ANKS1B: variants seen among roughly 807,000 people sequenced by gnomAD.
ANKS1B encodes the protein ankyrin repeat and sterile alpha motif domain containing 1B, also known as ankyrin repeat and sterile alpha motif domain-containing protein 1B.
A neutral mutation model predicts 148.3 loss-of-function variants in ANKS1B; 36 were observed. The ratio of observed to expected loss-of-function variants is 0.24; its 90% CI spans 0.19 to 0.32. The LOEUF is 0.32. Ranked by LOEUF, ANKS1B falls within the 10% of genes least tolerant of loss-of-function variation. The pLI, the probability that ANKS1B is intolerant of heterozygous loss-of-function variation, is 1.00. For synonymous variants in ANKS1B, 542 were observed against 560.8 expected, an observed-to-expected ratio of 0.97 and a Z score of 0.47; for missense variants, 1,157 against 1,542.6, an observed-to-expected ratio of 0.75 and a Z score of 4.19.
At chr12:99,184,010 A>G (rs912010310) in intron 14 of ANKS1B, among the ~76,000 whole-genome samples, 9 of 152,226 alleles carry the variant, frequency 5.9e-5, no homozygotes, top group Non-Finnish European at 1.2e-4. Flanking sequence ...CAAATATAAA[A>G]AAGACATAGT....
At chr12:99,034,646 T>C (rs531812285) in intron 17 of ANKS1B, among the ~76,000 whole-genome samples, 12 of 152,178 alleles carry the variant, frequency 7.9e-5, no homozygotes, top group Non-Finnish European at 1.6e-4. Context: ...CATGGAGTCT[T>C]ATACATGTGA....
intron 2 of ANKS1B, among the ~76,000 whole-genome samples, chr12:99,825,028 A>G (rs1364319391): frequency 6.6e-6 from 1 of 152,136 alleles, no homozygotes; most frequent in Admixed American, 6.5e-5. Context: ...TCTCTCCCCC[A>G]AAGATACACA....
At chr12:99,849,569 T>A (rs531629582) in intron 1 of ANKS1B, among the ~76,000 whole-genome samples, 1 of 152,276 alleles carries the variant, frequency 6.6e-6, no homozygotes, top group Admixed American at 6.5e-5. Flanking sequence ...TGTACAAGCA[T>A]GTACAGCACT....
rs968209431 is a variant in ANKS1B, at chr12:99,923,770, G to A, written c.134+60334C>T. Among the ~76,000 whole-genome samples the A allele has an allele frequency of 4.6e-5, 7 of 151,830 alleles. No homozygotes were observed. The East Asian group carries it at 1.4e-3, about 29-fold the overall frequency. ...TTCTACGTTAGTGGACTTTTAGGGG[G>A]GTACCTATTTATTCATGTCTCCCTC... is the stretch of plus-strand genomic sequence containing the variant. On this transcript the variant is annotated intron_variant, in intron 1 of 26. Coordinates refer to ENST00000683438, the MANE Select transcript of ANKS1B (RefSeq NM_001352186.2).
intron 11 of ANKS1B, among the ~76,000 whole-genome samples, chr12:99,415,733 G>T (rs535204891): frequency 6.6e-6 from 1 of 152,156 alleles, no homozygotes; most frequent in East Asian, 1.9e-4. Flanking sequence ...GCCCAGGCTG[G>T]AGTGTAGTGG....
At chr12:99,904,151 A>T (rs747952546) in intron 1 of ANKS1B, among the ~76,000 whole-genome samples, 10 of 151,838 alleles carry the variant, frequency 6.6e-5, no homozygotes, top group Non-Finnish European at 1.2e-4. Flanking sequence ...TTACCTAAAA[A>T]CATTATTTCA....
At chr12:99,536,324 G>T (rs1032743393) in intron 9 of ANKS1B, among the ~76,000 whole-genome samples, 1 of 152,056 alleles carries the variant, frequency 6.6e-6, no homozygotes. Flanking sequence ...ATATGTATGG[G>T]GGCAAGGGAG....
intron 15 of ANKS1B, among the ~76,000 whole-genome samples, chr12:99,139,143 A>C (rs371123804): frequency 6.6e-6 from 1 of 151,472 alleles, no homozygotes; most frequent in South Asian, 2.1e-4. Flanking sequence ...CTGGGACTAT[A>C]GGCCACCATG....
chr12:99,342,592 C>T (rs1048122061), intron 12 of ANKS1B, among the ~76,000 whole-genome samples: 4 of 151,906 alleles, frequency 2.6e-5, no homozygotes, highest in African/African-American at 9.7e-5. Flanking sequence ...CCAAAAGAGG[C>T]AGTATATCTT....
intron 17 of ANKS1B, among the ~76,000 whole-genome samples, chr12:98,919,477 T>C (rs2099798575): frequency 6.6e-6 from 1 of 152,208 alleles, no homozygotes; most frequent in African/African-American, 2.4e-5. Context: ...ATGGAAATTA[T>C]GGTCACTGAA....
At chr12:98,982,000 T>C (rs1047844408) in intron 17 of ANKS1B, among the ~76,000 whole-genome samples, 3 of 152,180 alleles carry the variant, frequency 2.0e-5, no homozygotes, top group Non-Finnish European at 2.9e-5. Context: ...AACTGAGCGC[T>C]AGATGGAGTA....
intron 24 of ANKS1B, among the ~76,000 whole-genome samples, chr12:98,778,038 G>A (rs1460758458): frequency 1.3e-5 from 2 of 152,154 alleles, no homozygotes; most frequent in African/African-American, 4.8e-5. Flanking sequence ...GTGACTGCAG[G>A]GCAGCACTGA....
chr12:98,787,649 G>A (rs1263893401), intron 22 of ANKS1B, among the ~76,000 whole-genome samples: 2 of 152,162 alleles, frequency 1.3e-5, no homozygotes, highest in African/African-American at 4.8e-5. Flanking sequence ...GCTGGGCGTG[G>A]TGGTTCTCGC....
At chr12:99,548,747 TG>T (rs1168279399) in intron 9 of ANKS1B, among the ~76,000 whole-genome samples, 1 of 152,164 alleles carries the variant, frequency 6.6e-6, no homozygotes, top group East Asian at 1.9e-4. Context: ...CCTTTGTTTT[TG>T]CTAAATATAT....
At chr12:99,980,760 T>C (rs1176725730) in intron 1 of ANKS1B, among the ~76,000 whole-genome samples, 2 of 152,046 alleles carry the variant, frequency 1.3e-5, no homozygotes, top group Admixed American at 6.5e-5. Context: ...CAAAAATACA[T>C]GCATCTAAAG....
At chr12:99,812,554 CACACAGAGAGAGAGAG>C (rs2068542020) in intron 2 of ANKS1B, among the ~76,000 whole-genome samples, 1 of 100,708 alleles carries the variant, frequency 9.9e-6, no homozygotes, top group African/African-American at 4.3e-5. Flanking sequence ...CACACACACA[CACACAGAGAGAGAGAG>C]AGAGAGAAAG....
chr12:98,777,210 CA>C (rs923697519), intron 24 of ANKS1B, among the ~76,000 whole-genome samples: 1 of 151,906 alleles, frequency 6.6e-6, no homozygotes, highest in African/African-American at 2.4e-5. Flanking sequence ...CAAAACAAAA[CA>C]AAAAAACCCC....
chr12:99,880,056 AT>A (rs1489977453), intron 1 of ANKS1B, among the ~76,000 whole-genome samples: 13 of 152,156 alleles, frequency 8.5e-5, no homozygotes, highest in Admixed American at 5.2e-4. Flanking sequence ...TCTTGCACAC[AT>A]TCTGTTTATA....
chr12:99,727,042 G>A (rs1007165825), intron 8 of ANKS1B, among the ~76,000 whole-genome samples: 1 of 152,088 alleles, frequency 6.6e-6, no homozygotes, highest in African/African-American at 2.4e-5. Context: ...CATATTGAAT[G>A]GGCAAAAGCT....
Sources: allele counts gnomAD v4.1 joint callset (sites outside exome capture counted in the v4.1 genomes callset), GRCh38; gene constraint gnomAD v4.1.1; transcripts MANE v1.5; gene names NCBI Gene and HGNC (gene_info 2026-07-23, HGNC 2026-07-21).